DIP2C: variants seen among roughly 807,000 people sequenced by gnomAD.
DIP2C encodes the protein disco-interacting protein 2 homolog C.
Under a neutral mutation model 192.4 loss-of-function variants are expected in DIP2C, and 33 were observed. The ratio of observed to expected loss-of-function variants is 0.17; its 90% CI spans 0.13 to 0.23. The LOEUF is 0.23. DIP2C is among the 10% of genes least tolerant of loss of function. The pLI, the probability that DIP2C is intolerant of heterozygous loss-of-function variation, is 1.00. For synonymous variants in DIP2C, 979 were observed against 864.1 expected (o/e 1.13, Z -2.33); for missense variants, 1,537 against 2,110.1 (o/e 0.73, Z 5.32).
chr10:684,820 C>T (rs1054998699), intron 1 of DIP2C, among the ~76,000 whole-genome samples: 2 of 152,108 alleles, frequency 1.3e-5, no homozygotes, highest in African/African-American at 2.4e-5. Context: ...GTACTTGACA[C>T]GTATTCATAT....
At chr10:475,677 T>A (rs552467747) in intron 2 of DIP2C, among the ~76,000 whole-genome samples, 1 of 152,332 alleles carries the variant, frequency 6.6e-6, no homozygotes, top group Non-Finnish European at 1.5e-5. Context: ...AAGAACTAGC[T>A]TCTACAGGTT....
Position 414,904 on chromosome 10 carries a change from ATATTTT to A in DIP2C, c.860-800_860-795del, listed in dbSNP as rs1467431818. On this transcript the variant is annotated intron_variant, in intron 7 of 36. Coordinates refer to ENST00000280886, the MANE Select transcript of DIP2C (RefSeq NM_014974.3). ...TGTGTGTGTGTGTATATATATATAT[ATATTTT>A]TTTTTTTTTTTGGTAGAGACAGGGT... 2.8e-4 allele frequency among the ~76,000 whole-genome samples: 22 copies of A among 77,800 alleles called. 1 individual carries two copies. The highest frequency in any genetic ancestry group is 9.9e-4 in the African/African-American group (22 of 22,312). The allele number at this position is 77,800 out of a possible 152,430, so 51.0% of individuals were successfully genotyped here. A position where few individuals can be genotyped will look rare whatever the true frequency, so the allele number is the denominator to read the frequency against.
At chr10:366,553 G>T in intron 18 of DIP2C, 142 bp from the exon 19 acceptor site, 1 of 1,165,710 alleles carries the variant, frequency 8.6e-7, no homozygotes, top group Non-Finnish European at 1.2e-6. Context: ...TAGTCAGCCA[G>T]GCACTCATTT....
intron 4 of DIP2C, among the ~76,000 whole-genome samples, chr10:436,295 A>T (rs1329916057): frequency 6.6e-6 from 1 of 152,232 alleles, no homozygotes; most frequent in African/African-American, 2.4e-5. Flanking sequence ...CACGCTCAGG[A>T]TCCCATAAGC....
At chr10:591,255 G>A (rs1851386967) in intron 1 of DIP2C, among the ~76,000 whole-genome samples, 1 of 152,074 alleles carries the variant, frequency 6.6e-6, no homozygotes, top group African/African-American at 2.4e-5. Context: ...CTCCCGAGTA[G>A]CTGGGATTAC....
At chr10:561,366 C>T (rs1018380817) in intron 1 of DIP2C, among the ~76,000 whole-genome samples, 1 of 152,180 alleles carries the variant, frequency 6.6e-6, no homozygotes, top group African/African-American at 2.4e-5. Context: ...GACTGAGAGC[C>T]ACTGGCATGG....
chr10:366,184 T>A, intron 19 of DIP2C, 91 bp downstream of exon 19: 1 of 1,529,248 alleles, frequency 6.5e-7, no homozygotes, highest in African/African-American at 1.4e-5. Flanking sequence ...AAATGGATCT[T>A]ACATTCCACG....
chr10:601,110 G>A (rs1852045219), intron 1 of DIP2C, among the ~76,000 whole-genome samples: 1 of 152,148 alleles, frequency 6.6e-6, no homozygotes, highest in Non-Finnish European at 1.5e-5. Flanking sequence ...CCCTTGTTTG[G>A]TTAAGAAAAA....
chr10:526,145 C>A (rs1002499276), intron 1 of DIP2C, among the ~76,000 whole-genome samples: 1 of 152,168 alleles, frequency 6.6e-6, no homozygotes, highest in African/African-American at 2.4e-5. Context: ...TGAAACAGGA[C>A]CGACCGGGGC....
intron 28 of DIP2C, among the ~76,000 whole-genome samples, chr10:342,319 C>T (rs541078053): frequency 5.5e-4 from 83 of 152,236 alleles, no homozygotes; most frequent in African/African-American, 1.9e-3. Context: ...CCACCACGCC[C>T]GGCTAATTTT....
At chr10:308,966 C>T (rs1174802381) in intron 32 of DIP2C, among the ~76,000 whole-genome samples, 2 of 152,192 alleles carry the variant, frequency 1.3e-5, no homozygotes, top group African/African-American at 2.4e-5. Flanking sequence ...TTGTGCTGAT[C>T]GAAAATGCCT....
At chr10:579,951 T>C (rs1850491539) in intron 1 of DIP2C, among the ~76,000 whole-genome samples, 1 of 151,680 alleles carries the variant, frequency 6.6e-6, no homozygotes, top group South Asian at 2.1e-4. Flanking sequence ...TGTATGTACA[T>C]GAATAAAGCA....
chr10:587,401 G>A (rs1249499951), intron 1 of DIP2C, among the ~76,000 whole-genome samples: 4 of 152,216 alleles, frequency 2.6e-5, no homozygotes, highest in Admixed American at 1.3e-4. Flanking sequence ...CAGGAACAGC[G>A]TCAGCACACG....
intron 1 of DIP2C, among the ~76,000 whole-genome samples, chr10:585,577 A>C (rs1264540183): frequency 6.6e-6 from 1 of 152,142 alleles, no homozygotes; most frequent in Non-Finnish European, 1.5e-5. Flanking sequence ...GAGTGAAATG[A>C]TCCTGGGTAT....
intron 1 of DIP2C, among the ~76,000 whole-genome samples, chr10:653,501 C>T (rs1041017493): frequency 4.6e-5 from 7 of 152,116 alleles, no homozygotes; most frequent in Non-Finnish European, 8.8e-5. Flanking sequence ...TTCCTAGTCC[C>T]TTGGAGCCAC....
chr10:467,101 T>C lies in DIP2C; in HGVS notation c.268+5338A>G, dbSNP rs1433787301. On this transcript the variant is annotated intron_variant, in intron 3 of 36. Coordinates refer to ENST00000280886, the MANE Select transcript of DIP2C (RefSeq NM_014974.3). ...ATGCACACGTATGTTTATTGCGGCA[T>C]TACTCACAATAGCAAAGACTTAGAA... Among the ~76,000 whole-genome samples, 9 of 151,896 alleles carry C rather than the reference T, an allele frequency of 5.9e-5. 1 individual carries two copies. The highest frequency in any genetic ancestry group is 4.6e-4 in the Admixed American group (7 of 15,208).
intron 2 of DIP2C, among the ~76,000 whole-genome samples, chr10:472,994 A>C (rs1010076022): frequency 1.3e-5 from 2 of 152,240 alleles, no homozygotes; most frequent in African/African-American, 4.8e-5. Flanking sequence ...CTTAGATAAT[A>C]ATTTAACAAT....
chr10:575,031 G>A (rs947655405), intron 1 of DIP2C, among the ~76,000 whole-genome samples: 4 of 152,060 alleles, frequency 2.6e-5, no homozygotes, highest in Non-Finnish European at 4.4e-5. Context: ...GATGCCAGGC[G>A]CTCACAAACT....
At chr10:475,816 G>A (rs1971012431) in intron 2 of DIP2C, among the ~76,000 whole-genome samples, 1 of 152,218 alleles carries the variant, frequency 6.6e-6, no homozygotes, top group African/African-American at 2.4e-5. Context: ...GCCACAAATA[G>A]GCGTCGCTCA....
Sources: gnomAD v4.1 joint callset for allele counts (sites outside exome capture counted in the v4.1 genomes callset) on GRCh38, gnomAD v4.1.1 for gene constraint, MANE v1.5 for transcripts, NCBI Gene and HGNC (gene_info 2026-07-23, HGNC 2026-07-21) for gene names.